CAMTA1: variants seen among roughly 807,000 people sequenced by gnomAD.
CAMTA1 encodes calmodulin binding transcription activator 1, also known as calmodulin-binding transcription activator 1.
In CAMTA1, 27 loss-of-function variants were observed where a neutral mutation model predicts 170.9. The ratio of observed to expected loss-of-function variants is 0.16; its 90% CI spans 0.12 to 0.22. CAMTA1 has a LOEUF of 0.22. CAMTA1 is among the 10% of genes least tolerant of loss of function. The pLI is 1.00. For missense variants in CAMTA1, 1,619 were observed against 2,217.2 expected, an observed-to-expected ratio of 0.73 and a Z score of 5.42; for synonymous variants, 833 against 891.5, an observed-to-expected ratio of 0.93 and a Z score of 1.17.
intron 1 of CAMTA1, among the ~76,000 whole-genome samples, chr1:6,791,157 A>G (rs1169916572): frequency 1.6e-5 from 2 of 126,192 alleles, no homozygotes; most frequent in Admixed American, 1.6e-4. Context: ...CTTAAATCCG[A>G]CCTCCCTTTC....
At chr1:7,526,483 CCA>C (rs2094433320) in intron 6 of CAMTA1, among the ~76,000 whole-genome samples, 1 of 152,180 alleles carries the variant, frequency 6.6e-6, no homozygotes, top group Admixed American at 6.5e-5. Context: ...TGAGGTCTGT[CCA>C]GGCCGTGGAT....
chr1:7,008,706 A>G (rs1699367512), intron 3 of CAMTA1: 2 of 152,224 alleles, frequency 1.3e-5, no homozygotes, highest in Admixed American at 6.5e-5. Context: ...CTGAAAGGGA[A>G]TGGATTGCTA....
intron 3 of CAMTA1, among the ~76,000 whole-genome samples, chr1:6,985,163 G>A (rs72638588): frequency 0.061 from 9,302 of 152,252 alleles, 324 homozygotes; most frequent in Middle Eastern, 0.14. Context: ...GAGTGTAGGG[G>A]GCGTGGGGCT....
chr1:7,404,955 T>C (rs1484302053), intron 5 of CAMTA1, among the ~76,000 whole-genome samples: 2 of 152,214 alleles, frequency 1.3e-5, no homozygotes, highest in Non-Finnish European at 2.9e-5. Context: ...TTCTGTTTTT[T>C]GTTTTTTTTA....
rs1289151134 is a variant in CAMTA1, at chr1:6,918,629, G to C, written c.234+93419G>C. On this transcript the variant is annotated intron_variant, in intron 3 of 22. Coordinates refer to ENST00000303635, the MANE Select transcript of CAMTA1 (RefSeq NM_015215.4). This position sits in a 1 kb window ranked among gnomAD's most constrained non-coding sequence, Gnocchi z 4.0. ...CCGACAGCACCTCCCGAGGAACTCAGAACTTCCCCCGTGGGCCTCAGGCCC... is the reference window on the plus strand; with the variant it reads ...CCGACAGCACCTCCCGAGGAACTCACAACTTCCCCCGTGGGCCTCAGGCCC... Among the ~76,000 whole-genome samples, 6 of 152,250 alleles carry C rather than the reference G, an allele frequency of 3.9e-5. No individual in the cohort carries two copies. Among genetic ancestry groups the C allele is most frequent in the African/African-American group, 1.4e-4 (6 of 41,464 alleles).
chr1:7,672,952 G>A (rs898778586), intron 10 of CAMTA1, among the ~76,000 whole-genome samples: 4 of 152,166 alleles, frequency 2.6e-5, no homozygotes, highest in Admixed American at 2.6e-4. Flanking sequence ...CTGGAGCACA[G>A]CCAGCCGGGG....
At chr1:7,713,809 A>G (rs1223621357) in intron 11 of CAMTA1, among the ~76,000 whole-genome samples, 1 of 152,198 alleles carries the variant, frequency 6.6e-6, no homozygotes, top group Non-Finnish European at 1.5e-5. Flanking sequence ...ATTGTCAAAG[A>G]GCCCCTGAAC....
At chr1:7,305,022 A>G (rs1675369368) in intron 5 of CAMTA1, among the ~76,000 whole-genome samples, 1 of 151,964 alleles carries the variant, frequency 6.6e-6, no homozygotes, top group Admixed American at 6.5e-5. Context: ...GTATTATGGT[A>G]GAAGGGACAG....
chr1:6,914,588 A>G (rs534944829), intron 3 of CAMTA1, among the ~76,000 whole-genome samples: 2 of 152,296 alleles, frequency 1.3e-5, no homozygotes, highest in South Asian at 4.1e-4. Context: ...GCCTCCGACT[A>G]GTGGTTAGGC....
chr1:6,901,413 CA>C (rs1467497897), intron 3 of CAMTA1, among the ~76,000 whole-genome samples: 1 of 152,126 alleles, frequency 6.6e-6, no homozygotes, highest in Non-Finnish European at 1.5e-5. Flanking sequence ...TCCTGTTCTT[CA>C]AAAGGTACTG....
chr1:7,297,375 T>A (rs1315851619), intron 5 of CAMTA1, among the ~76,000 whole-genome samples: 1 of 152,228 alleles, frequency 6.6e-6, no homozygotes, highest in Admixed American at 6.5e-5. Flanking sequence ...GGCTTTGGCC[T>A]TTCCTGTAGG....
chr1:7,498,924 AGTGTGT>A (rs56174723), intron 6 of CAMTA1, among the ~76,000 whole-genome samples: 67 of 126,760 alleles, frequency 5.3e-4, no homozygotes, highest in Admixed American at 9.9e-4. Context: ...TATGTATATG[AGTGTGT>A]GTGTGCATGT....
intron 7 of CAMTA1, among the ~76,000 whole-genome samples, chr1:7,648,375 G>C (rs6692389): frequency 0.015 from 2,249 of 150,612 alleles, 61 homozygotes; most frequent in African/African-American, 0.052. Flanking sequence ...CTGGGCAACA[G>C]AGTGAGACTC....
intron 5 of CAMTA1, among the ~76,000 whole-genome samples, chr1:7,385,609 C>T (rs2087866356): frequency 2.0e-5 from 3 of 152,116 alleles, no homozygotes; most frequent in African/African-American, 7.2e-5. Flanking sequence ...AAGAGTGCTG[C>T]CTGGAGAGCA....
At chr1:6,825,997 G>A (rs947143164) in intron 3 of CAMTA1, among the ~76,000 whole-genome samples, 1 of 152,166 alleles carries the variant, frequency 6.6e-6, no homozygotes, top group Non-Finnish European at 1.5e-5. Context: ...GTTTTGCCAA[G>A]TTCCATTTGT....
At chr1:7,205,825 A>G (rs1043580048) in intron 4 of CAMTA1, among the ~76,000 whole-genome samples, 7 of 152,170 alleles carry the variant, frequency 4.6e-5, no homozygotes, top group Non-Finnish European at 1.0e-4. Flanking sequence ...ATTTTCTTCT[A>G]GTACTCGTAT....
At chr1:7,209,035 A>G (rs755242879) in intron 4 of CAMTA1, among the ~76,000 whole-genome samples, 31 of 152,260 alleles carry the variant, frequency 2.0e-4, no homozygotes, top group Non-Finnish European at 2.8e-4. Context: ...GCCTTTAACC[A>G]TGATTCAAGG....
chr1:7,359,942 AGGTGTG>A lies in CAMTA1; in HGVS notation c.439-107885_439-107880del, dbSNP rs2085413563. On this transcript the variant is annotated intron_variant, in intron 5 of 22. Transcript: ENST00000303635. Reference sequence around the variant, plus strand: ...TCTGAAGGGTGAAAGTCTCAGATCAAGGTGTGGGCAGGGCTGGTTTCTTCTGAGGCT... The same window carrying A: ...TCTGAAGGGTGAAAGTCTCAGATCAAGGCAGGGCTGGTTTCTTCTGAGGCT... 2.0e-5 allele frequency among the ~76,000 whole-genome samples: 3 copies of A among 152,082 alleles called. No individual in the cohort carries two copies. The South Asian group carries it at 6.2e-4, about 32-fold the overall frequency.
At chr1:7,701,398 C>T (rs1460439093) in intron 11 of CAMTA1, among the ~76,000 whole-genome samples, 1 of 152,120 alleles carries the variant, frequency 6.6e-6, no homozygotes, top group Non-Finnish European at 1.5e-5. Context: ...GCTGATATAT[C>T]AACTCCCTGT....
Sources: gnomAD v4.1 joint callset for allele counts (sites outside exome capture counted in the v4.1 genomes callset) on GRCh38, gnomAD v4.1.1 for gene constraint, Gnocchi (gnomAD v3.1) non-coding constraint, MANE v1.5 for transcripts, NCBI Gene and HGNC (gene_info 2026-07-23, HGNC 2026-07-21) for gene names.